Variants in MTUS2 observed in about 807,000 individuals in gnomAD.
MTUS2 encodes microtubule-associated tumor suppressor candidate 2.
A neutral mutation model predicts 114.1 loss-of-function variants in MTUS2; 40 were observed. That is an observed-to-expected ratio of 0.35 (90% CI 0.27 to 0.46). The LOEUF (loss-of-function observed/expected upper bound fraction) is 0.46, where lower values mean the gene tolerates loss of function less well. MTUS2 is among the 20% of genes least tolerant of loss of function. MTUS2 has a pLI of 1.00. For synonymous variants in MTUS2, 688 were observed against 672.0 expected (o/e 1.02, Z -0.37); for missense variants, 1,679 against 1,705.4 (o/e 0.98, Z 0.27).
intron 5 of MTUS2, among the ~76,000 whole-genome samples, chr13:29,206,289 C>T (rs1490679936): frequency 2.0e-5 from 3 of 152,044 alleles, no homozygotes; most frequent in Admixed American, 1.3e-4. Context: ...TTGAGTTTCT[C>T]ATAGATTCTG....
intron 5 of MTUS2, chr13:29,242,650 T>C (rs1896771259): frequency 6.5e-6 from 1 of 153,102 alleles, no homozygotes; most frequent in Non-Finnish European, 1.5e-5. Context: ...GCCAGGTTGG[T>C]TTGATTTTTT....
At chr13:29,001,106 C>G (rs943163014) in intron 2 of MTUS2, among the ~76,000 whole-genome samples, 12 of 152,238 alleles carry the variant, frequency 7.9e-5, no homozygotes, top group African/African-American at 2.7e-4. Flanking sequence ...CACTGAGCAG[C>G]ATTCAGTTCC....
intron 5 of MTUS2, among the ~76,000 whole-genome samples, chr13:29,252,867 T>A (rs779225598): frequency 1.2e-3 from 181 of 152,258 alleles, no homozygotes; most frequent in Non-Finnish European, 2.1e-3. Flanking sequence ...GCCATGATTG[T>A]GAGGCCTCCC....
chr13:28,984,505 C>T (rs2138308244), intron 2 of MTUS2, among the ~76,000 whole-genome samples: 1 of 152,288 alleles, frequency 6.6e-6, no homozygotes, highest in South Asian at 2.1e-4. Flanking sequence ...TAACGGCTTC[C>T]AGTGCTGCAT....
rs371265177 is a variant in MTUS2, at chr13:29,025,154, T to C, written c.456T>C (p.Ala152=). ...ASLDVLAKRD[A]EIPRHVPKDK... Reference sequence around the variant, plus strand: ...TAGACGTTTTGGCTAAAAGGGATGCTGAAATTCCCCGGCATGTTCCCAAGG... The same window carrying C: ...TAGACGTTTTGGCTAAAAGGGATGCCGAAATTCCCCGGCATGTTCCCAAGG... Residue 152 remains alanine, a synonymous_variant, in exon 3 of 16, where the codon GCT becomes GCC. Transcript: ENST00000612955. The C allele has an allele frequency of 1.9e-6, 3 of 1,613,916 alleles. No homozygotes were observed. Among genetic ancestry groups the C allele is most frequent in the African/African-American group, 2.7e-5 (2 of 75,012 alleles).
chr13:28,963,935 G>A (rs778132545), intron 2 of MTUS2, among the ~76,000 whole-genome samples: 3 of 152,118 alleles, frequency 2.0e-5, no homozygotes, highest in Non-Finnish European at 2.9e-5. Context: ...CCCCCAGCCT[G>A]ACCTTTGAAT....
intron 7 of MTUS2, among the ~76,000 whole-genome samples, chr13:29,328,589 T>C (rs553007669): frequency 2.2e-4 from 33 of 152,304 alleles, no homozygotes; most frequent in African/African-American, 7.7e-4. Flanking sequence ...AGGTTCTTAG[T>C]ATGTAAATGA....
Position 29,359,333 on chromosome 13 carries a change from G to A in MTUS2, c.2977G>A (p.Ala993Thr). 6.2e-7 allele frequency: 1 copy of A among 1,611,576 alleles called. No individual in the cohort carries two copies. Among genetic ancestry groups the A allele is most frequent in the South Asian group, 1.1e-5 (1 of 90,438 alleles). ...PPKPDPQARE[A>T]ERQLVLRLKE... ...CAAGCCGGACCCGCAGGCCCGTGAG[G>A]CTGAGCGGCAGCTGGTGCTGCGGCT... Residue 993 changes from alanine (A) to threonine (T), a missense_variant, in exon 8 of 16, where the codon GCT becomes ACT. Ala to Thr is a moderately conservative substitution (Grantham distance 58). Transcript: ENST00000612955.
At chr13:29,486,992 T>G (rs1170838242) in intron 10 of MTUS2, among the ~76,000 whole-genome samples, 1 of 151,414 alleles carries the variant, frequency 6.6e-6, no homozygotes, top group Non-Finnish European at 1.5e-5. Context: ...GGCAGGCAGG[T>G]GAGGGGTAGG....
At position 29,503,158 on chromosome 13, in the gene MTUS2, C is replaced by T; in HGVS notation, c.4062C>T (p.Ser1354=). 1.2e-6 allele frequency: 2 copies of T among 1,614,230 alleles called. No individual in the cohort carries two copies. The highest frequency in any genetic ancestry group is 1.7e-6 in the Non-Finnish European group (2 of 1,180,044). ...LSPTSPVYRG[S]SSGPSSPARV... ...CCACATCTCCCGTTTACCGCGGCTC[C>T]TCCTCGGGGCCCTCCTCTCCGGCCA... is the stretch of plus-strand genomic sequence containing the variant. Residue 1354 remains serine (S), a synonymous_variant, in exon 16 of 16, where the codon TCC becomes TCT. Transcript: ENST00000612955.
At chr13:28,949,677 C>G (rs1426465182) in intron 2 of MTUS2, among the ~76,000 whole-genome samples, 1 of 152,188 alleles carries the variant, frequency 6.6e-6, no homozygotes, top group Non-Finnish European at 1.5e-5. Flanking sequence ...TATGACTGCT[C>G]TGGTACCTTA....
chr13:29,414,447 G>T (rs1593418095), intron 8 of MTUS2, among the ~76,000 whole-genome samples: 2 of 80,822 alleles, frequency 2.5e-5, no homozygotes, highest in East Asian at 6.5e-4. Flanking sequence ...CTAAAACTTA[G>T]AGTATAATAA....
chr13:29,259,973 G>C (rs1897409611), intron 5 of MTUS2, among the ~76,000 whole-genome samples: 1 of 152,232 alleles, frequency 6.6e-6, no homozygotes, highest in African/African-American at 2.4e-5. Flanking sequence ...GGCAGCACCT[G>C]CCATGGTGCC....
At chr13:29,428,753 G>GC in intron 8 of MTUS2, 11 of 1,592,602 alleles carry the variant, frequency 6.9e-6, no homozygotes, top group Non-Finnish European at 9.4e-6. Context: ...CCAGCGGCGC[G>GC]CCCCTTTCGT....
chr13:29,461,597 A>T (rs1879500045), intron 9 of MTUS2, among the ~76,000 whole-genome samples: 1 of 152,240 alleles, frequency 6.6e-6, no homozygotes, highest in Non-Finnish European at 1.5e-5. Context: ...TGGTGGAAAC[A>T]GGACAATTTG....
chr13:29,093,516 T>C (rs1890052722), intron 4 of MTUS2, among the ~76,000 whole-genome samples: 1 of 152,246 alleles, frequency 6.6e-6, no homozygotes, highest in East Asian at 1.9e-4. Flanking sequence ...CCTTTTGGTC[T>C]ACTGTAAATA....
chr13:29,441,978 G>A (rs1385353527), intron 9 of MTUS2, among the ~76,000 whole-genome samples: 1 of 152,154 alleles, frequency 6.6e-6, no homozygotes, highest in African/African-American at 2.4e-5. Flanking sequence ...GTCCTCAGTT[G>A]GAGGTGACTC....
intron 5 of MTUS2, among the ~76,000 whole-genome samples, chr13:29,216,816 A>G (rs947188690): frequency 4.6e-5 from 7 of 152,172 alleles, no homozygotes; most frequent in Admixed American, 3.3e-4. Flanking sequence ...GCCATCTTGG[A>G]AAAACCTCAT....
intron 10 of MTUS2, chr13:29,487,552 G>A (rs1432795647): frequency 1.5e-5 from 4 of 262,654 alleles, no homozygotes; most frequent in Non-Finnish European, 3.0e-5. Context: ...CTCGTAGGGA[G>A]GACGCTTTTC....
Sources: gnomAD v4.1 joint callset for allele counts (sites outside exome capture counted in the v4.1 genomes callset) on GRCh38, gnomAD v4.1.1 for gene constraint, MANE v1.5 for transcripts, NCBI Gene and HGNC (gene_info 2026-07-23, HGNC 2026-07-21) for gene names.